Variants in LHFPL6 observed in about 807,000 individuals in gnomAD.
The protein encoded by LHFPL6 is LHFPL tetraspan subfamily member 6, also known as LHFPL tetraspan subfamily member 6 protein.
A neutral mutation model predicts 20.6 loss-of-function variants in LHFPL6; 9 were observed. The observed-to-expected ratio is 0.44, with a 90% confidence interval of 0.26 to 0.76. The LOEUF (loss-of-function observed/expected upper bound fraction) is 0.76. Among genes scored for constraint, LHFPL6 ranks in the 30% least tolerant of loss-of-function variants. LHFPL6 has a pLI of 0.20. For missense variants in LHFPL6, 218 were observed against 253.5 expected (o/e 0.86, Z 0.95); for synonymous variants, 105 against 98.7 (o/e 1.06, Z -0.38).
intron 2 of LHFPL6, among the ~76,000 whole-genome samples, chr13:39,432,250 T>C (rs1871832168): frequency 6.6e-6 from 1 of 152,222 alleles, no homozygotes; most frequent in South Asian, 2.1e-4. Flanking sequence ...ACAAATAATT[T>C]AAGACACATC....
At chr13:39,507,317 T>C (rs1869520501) in intron 2 of LHFPL6, among the ~76,000 whole-genome samples, 1 of 152,188 alleles carries the variant, frequency 6.6e-6, no homozygotes, top group Non-Finnish European at 1.5e-5. Context: ...GGAGGGAAGC[T>C]GCAGTGCATT....
chr13:39,390,028 T>C (rs985894135), intron 2 of LHFPL6, among the ~76,000 whole-genome samples: 2 of 152,178 alleles, frequency 1.3e-5, no homozygotes, highest in Non-Finnish European at 2.9e-5. Context: ...CCAACTACCT[T>C]CATTCATTTC....
intron 2 of LHFPL6, among the ~76,000 whole-genome samples, chr13:39,440,705 A>G (rs979179686): frequency 2.6e-5 from 4 of 152,014 alleles, no homozygotes; most frequent in Non-Finnish European, 5.9e-5. Context: ...GGCTCAAGCA[A>G]TTCTCCTGCT....
chr13:39,550,530 C>T (rs1593359236), intron 2 of LHFPL6, among the ~76,000 whole-genome samples: 1 of 152,044 alleles, frequency 6.6e-6, no homozygotes, highest in South Asian at 2.1e-4. Flanking sequence ...CCTCCCCCAC[C>T]AATACTGTAT....
intron 2 of LHFPL6, among the ~76,000 whole-genome samples, chr13:39,502,468 A>G (rs1276526233): frequency 6.6e-6 from 1 of 151,902 alleles, no homozygotes; most frequent in African/African-American, 2.4e-5. Context: ...AAAATTAAAA[A>G]AAAAAAAAAA....
At chr13:39,429,830 C>T (rs1329199438) in intron 2 of LHFPL6, among the ~76,000 whole-genome samples, 10 of 152,078 alleles carry the variant, frequency 6.6e-5, no homozygotes, top group African/African-American at 1.9e-4. Flanking sequence ...TTGCTAAATC[C>T]AAAGGTAAAT....
At chr13:39,582,535 A>C (rs1013697452) in intron 2 of LHFPL6, among the ~76,000 whole-genome samples, 5 of 152,238 alleles carry the variant, frequency 3.3e-5, no homozygotes, top group Admixed American at 1.3e-4. Context: ...GGCATTTCAC[A>C]ATGCAGGAAT....
chr13:39,377,549 T>C (rs1336908663), intron 3 of LHFPL6, among the ~76,000 whole-genome samples: 1 of 152,214 alleles, frequency 6.6e-6, no homozygotes, highest in Non-Finnish European at 1.5e-5. Context: ...TGGAATAGAC[T>C]AAATGCCCAG....
chr13:39,345,558 C>T (rs1274383132), intron 3 of LHFPL6, among the ~76,000 whole-genome samples: 3 of 109,702 alleles, frequency 2.7e-5, no homozygotes, highest in Non-Finnish European at 6.1e-5. Context: ...AATCACATCC[C>T]TTCTTTTCAC....
At chr13:39,563,105 C>T (rs954216788) in intron 2 of LHFPL6, among the ~76,000 whole-genome samples, 3 of 121,750 alleles carry the variant, frequency 2.5e-5, no homozygotes, top group African/African-American at 8.1e-5. Context: ...CACACACACA[C>T]ACACACACAC....
At chr13:39,411,878 T>C (rs1051600445) in intron 2 of LHFPL6, among the ~76,000 whole-genome samples, 3 of 152,234 alleles carry the variant, frequency 2.0e-5, no homozygotes, top group African/African-American at 7.2e-5. Flanking sequence ...GGCCATTAAG[T>C]GAAATCTAGC....
rs1872540562 is a variant in LHFPL6, at chr13:39,589,375, G to A, written c.385+11457C>T. Among the ~76,000 whole-genome samples the A allele has an allele frequency of 2.0e-5, 3 of 152,074 alleles. No homozygotes were observed. In the South Asian group the frequency reaches 6.2e-4, roughly 32 times the overall value. ...CCACCTCGGCCTCCCAAAGTGCTGG[G>A]ATTAATTACAGATGTGAGTCACCGC... On this transcript the variant is annotated intron_variant, in intron 2 of 3. Coordinates refer to ENST00000379589, the MANE Select transcript of LHFPL6 (RefSeq NM_005780.3).
chr13:39,563,469 T>C (rs1267005585), intron 2 of LHFPL6, among the ~76,000 whole-genome samples: 1 of 152,172 alleles, frequency 6.6e-6, no homozygotes, highest in Admixed American at 6.5e-5. Flanking sequence ...GGTTGATAAG[T>C]GACTTATACA....
chr13:39,384,862 G>C (rs1007960179), intron 2 of LHFPL6, among the ~76,000 whole-genome samples: 1 of 152,112 alleles, frequency 6.6e-6, no homozygotes, highest in Non-Finnish European at 1.5e-5. Context: ...CATAAAAAAG[G>C]CGTCAGTTTC....
chr13:39,403,670 T>A (rs1341741255), intron 2 of LHFPL6, among the ~76,000 whole-genome samples: 1 of 152,164 alleles, frequency 6.6e-6, no homozygotes, highest in Non-Finnish European at 1.5e-5. Flanking sequence ...AACATCAACA[T>A]TAGATTTTTA....
At chr13:39,402,394 T>G (rs1260130298) in intron 2 of LHFPL6, among the ~76,000 whole-genome samples, 1 of 152,038 alleles carries the variant, frequency 6.6e-6, no homozygotes, top group East Asian at 1.9e-4. Context: ...CTGGCTAGTA[T>G]TTTTGCAATT....
In LHFPL6 at chr13:39,472,801, G is replaced by A. The variant is rs186761087; in HGVS notation, c.386-94275C>T. Among the ~76,000 whole-genome samples the A allele has an allele frequency of 2.1e-3, 314 of 152,156 alleles. 1 individual carries two copies. Among genetic ancestry groups the A allele is most frequent in the African/African-American group, 6.9e-3 (286 of 41,502 alleles). ...CTTTTGTATTTTTATTAGAGATATGGGGTTTCACCAGGTTGGCCAGGCTAG... is the reference window on the plus strand; with the variant it reads ...CTTTTGTATTTTTATTAGAGATATGAGGTTTCACCAGGTTGGCCAGGCTAG... On this transcript the variant is annotated intron_variant, in intron 2 of 3. Coordinates refer to ENST00000379589, the MANE Select transcript of LHFPL6 (RefSeq NM_005780.3).
At chr13:39,590,058 G>A (rs1469665771) in intron 2 of LHFPL6, among the ~76,000 whole-genome samples, 1 of 152,102 alleles carries the variant, frequency 6.6e-6, no homozygotes, top group Non-Finnish European at 1.5e-5. Flanking sequence ...TAAAGTAGAA[G>A]TTTAATCAAC....
At chr13:39,347,070 ACT>A (rs1339427557) in intron 3 of LHFPL6, among the ~76,000 whole-genome samples, 1 of 135,512 alleles carries the variant, frequency 7.4e-6, no homozygotes, top group African/African-American at 2.9e-5. Flanking sequence ...GCAGAATAAA[ACT>A]CTGTCTCCAA....
Sources: gnomAD v4.1 joint callset for allele counts (sites outside exome capture counted in the v4.1 genomes callset) on GRCh38, gnomAD v4.1.1 for gene constraint, MANE v1.5 for transcripts, NCBI Gene and HGNC (gene_info 2026-07-23, HGNC 2026-07-21) for gene names.